Variants in DNAH12 observed in about 807,000 individuals in gnomAD.
DNAH12 encodes the protein axonemal beta dynein heavy chain 12.
Under a neutral mutation model 371.5 loss-of-function variants are expected in DNAH12, and 285 were observed. The ratio of observed to expected loss-of-function variants is 0.77; its 90% CI spans 0.70 to 0.85. The LOEUF is 0.85. Ranked by LOEUF, DNAH12 falls within the 40% of genes least tolerant of loss-of-function variation. DNAH12 has a pLI of 0.00. For synonymous variants in DNAH12, 1,200 were observed against 1,213.0 expected (o/e 0.99, Z 0.22); for missense variants, 3,611 against 3,689.4 (o/e 0.98, Z 0.55).
At chr3:57,425,783 G>GT (rs2064747903) in intron 34 of DNAH12, among the ~76,000 whole-genome samples, 1 of 98,178 alleles carries the variant, frequency 1.0e-5, no homozygotes, top group African/African-American at 5.9e-5. Flanking sequence ...GTCTCTAAGA[G>GT]CCATTCATTT....
At position 57,468,970 on chromosome 3, in the gene DNAH12, A is replaced by C. The variant is rs1255534081; in HGVS notation, c.2115T>G (p.Asp705Glu). Reference sequence around the variant, plus strand: ...CCCCATTGAGGTCCAAAAACCCTCCATCCATCCACCTGAATGGAAAGAAAA... The same window carrying C: ...CCCCATTGAGGTCCAAAAACCCTCCCTCCATCCACCTGAATGGAAAGAAAA... Reference protein sequence around the residue: ...KWQRSEKRWMDGGFLDLNGES... With the variant: ...KWQRSEKRWMEGGFLDLNGES... The change falls in exon 17 of 74, where the codon GAT (aspartate) becomes GAG (glutamate). Residue 705 changes from aspartate (D) to glutamate (E), a missense_variant. By Grantham distance (45) the Asp-to-Glu change is conservative. Around this residue, in one of 3 missense-constraint regions of DNAH12, gnomAD observed 1,314 missense variants for 1,398.7 expected, o/e 0.94. Coordinates refer to ENST00000495027, the MANE Select transcript of DNAH12 (RefSeq NM_001366028.2). The C allele has an allele frequency of 2.0e-6, 3 of 1,509,944 alleles. No homozygotes were observed. Among genetic ancestry groups the C allele is most frequent in the Non-Finnish European group, 2.6e-6 (3 of 1,135,054 alleles). 93.5% of individuals were successfully genotyped at this position (1,509,944 alleles called of 1,614,324 possible).
intron 49 of DNAH12, among the ~76,000 whole-genome samples, chr3:57,384,588 G>A (rs1224755644): frequency 6.6e-6 from 1 of 152,138 alleles, no homozygotes; most frequent in Non-Finnish European, 1.5e-5. Context: ...AGGCTGCAGT[G>A]GGCCATGATT....
At chr3:57,545,641 C>G (rs563385650), upstream of DNAH12, among the ~76,000 whole-genome samples, 4 of 151,912 alleles carry the variant, frequency 2.6e-5, no homozygotes, top group Non-Finnish European at 4.4e-5. Context: ...GGGAAGGGTC[C>G]CCAGAGAACC....
chr3:57,296,292 T>C, intron 72 of DNAH12, 52 bp downstream of exon 72: 3 of 1,367,962 alleles, frequency 2.2e-6, no homozygotes, highest in Middle Eastern at 1.8e-4. Flanking sequence ...TTGCTTATCT[T>C]ATCTATGATT....
chr3:57,416,962 A>AC (rs1575572575), intron 37 of DNAH12, among the ~76,000 whole-genome samples: 1 of 152,322 alleles, frequency 6.6e-6, no homozygotes. Context: ...ACATAAAGAC[A>AC]AACACAGGCC....
Position 57,293,919 on chromosome 3 carries a change from C to A in DNAH12, c.11745G>T (p.Lys3915Asn). The change falls in exon 74 of 74, where the codon AAG (lysine) becomes AAT (asparagine). Residue 3915 changes from lysine to asparagine, a missense_variant. Physicochemically the swap from Lys to Asn is moderately conservative, Grantham distance 94. This residue lies in a region of DNAH12 where 2,266 missense variants were observed against 2,236.9 expected (regional missense o/e 1.01). Transcript: ENST00000495027. Reference protein sequence around the residue: ...KSDAYVCPLYKTSERKGTLST... With the variant: ...KSDAYVCPLYNTSERKGTLST... ...AAAGAGTTCCTTTACGTTCACTTGTCTTGTAGAGGGGACAGACATAGGCAT... is the reference window on the plus strand; with the variant it reads ...AAAGAGTTCCTTTACGTTCACTTGTATTGTAGAGGGGACAGACATAGGCAT... 6.6e-7 allele frequency: 1 copy of A among 1,525,672 alleles called. No homozygotes were observed. Among genetic ancestry groups the A allele is most frequent in the Non-Finnish European group, 8.8e-7 (1 of 1,134,756 alleles). 94.5% of individuals were successfully genotyped at this position (1,525,672 alleles called of 1,614,324 possible). A position where few individuals can be genotyped will look rare whatever the true frequency, so the allele number is the denominator to read the frequency against.
Position 57,446,107 on chromosome 3 carries a change from A to G in DNAH12, c.4103T>C (p.Leu1368Pro), listed in dbSNP as rs1255446720. The G allele has an allele frequency of 6.4e-7, 1 of 1,551,584 alleles. No individual in the cohort carries two copies. Among genetic ancestry groups the G allele is most frequent in the Admixed American group, 2.0e-5 (1 of 50,990 alleles). ...VFVFEGTELK[L>P]NPNCFVAITM... is the part of the protein sequence containing the mutation. ...AATAGCTACAAAACAATTCGGATTGAGCTTAAGTTCTGTCCCTTCAAAAAC... is the reference window on the plus strand; with the variant it reads ...AATAGCTACAAAACAATTCGGATTGGGCTTAAGTTCTGTCCCTTCAAAAAC... Residue 1368 changes from leucine (L) to proline (P), a missense_variant, in exon 27 of 74, where the codon CTC (leucine) becomes CCC (proline). Leu to Pro is a moderately conservative substitution (Grantham distance 98). Transcript: ENST00000495027.
chr3:57,345,690 C>G (rs1464782868), intron 60 of DNAH12, among the ~76,000 whole-genome samples: 3 of 152,064 alleles, frequency 2.0e-5, no homozygotes. Context: ...GATGCTGCAT[C>G]TTTATATTTG....
chr3:57,407,937 G>T (rs555922376), intron 40 of DNAH12, among the ~76,000 whole-genome samples: 2 of 152,224 alleles, frequency 1.3e-5, no homozygotes, highest in African/African-American at 4.8e-5. Context: ...ACCAGAGTAG[G>T]AACCTAATAG....
chr3:57,371,941 C>CAA (rs1169602185), intron 55 of DNAH12, among the ~76,000 whole-genome samples: 33 of 25,860 alleles, frequency 1.3e-3, no homozygotes, highest in African/African-American at 5.3e-3. Context: ...CTAAACTCAG[C>CAA]AAAAAAAAAA....
chr3:57,429,127 C>T (rs1423867438), intron 33 of DNAH12, among the ~76,000 whole-genome samples: 2 of 152,138 alleles, frequency 1.3e-5, no homozygotes, highest in East Asian at 1.9e-4. Context: ...CAGTTACCTT[C>T]CATGGTGCTC....
rs1575554760 is a variant in DNAH12 at position 57,405,640 on chromosome 3, T to C, written c.6576+13A>G. The C allele has an allele frequency of 6.5e-7, 1 of 1,547,072 alleles. No individual in the cohort carries two copies. Among genetic ancestry groups the C allele is most frequent in the Non-Finnish European group, 8.7e-7 (1 of 1,144,262 alleles). ...CTGCTTTAACTCAATATGTTCTTAA[T>C]CGCCATACTCACTGGTGCATTTTGT... On this transcript the variant is annotated intron_variant, in intron 41 of 73. Coordinates refer to ENST00000495027, the MANE Select transcript of DNAH12 (RefSeq NM_001366028.2).
Position 57,352,085 on chromosome 3 carries a change from A to C in DNAH12, c.9674T>G (p.Leu3225Arg), listed in dbSNP as rs1553660527. The change falls in exon 60 of 74, where the codon CTG (leucine) becomes CGG (arginine). Residue 3225 changes from leucine (L) to arginine (R), a missense_variant and splice_region_variant. Around this residue, in one of 3 missense-constraint regions of DNAH12, gnomAD observed 2,266 missense variants for 2,236.9 expected, o/e 1.01. Coordinates refer to ENST00000495027, the MANE Select transcript of DNAH12 (RefSeq NM_001366028.2). The part of the protein sequence containing the change: ...FSFLLCANLL[L>R]ARKEIEYQEL... ...ATTATGGTAAAAGCAAGTAACTTAC[A>C]GAAGAAGATTGGCACATAATAAAAA... 6.6e-7 allele frequency: 1 copy of C among 1,504,630 alleles called. No homozygotes were observed. Among genetic ancestry groups the C allele is most frequent in the Non-Finnish European group, 8.8e-7 (1 of 1,134,074 alleles). The allele number at this position is 1,504,630 out of a possible 1,614,324, so 93.2% of individuals were successfully genotyped here. A position where few individuals can be genotyped will look rare whatever the true frequency, so the allele number is the denominator to read the frequency against.
chr3:57,328,521 TAA>T (rs956955559), intron 62 of DNAH12, among the ~76,000 whole-genome samples: 12 of 142,212 alleles, frequency 8.4e-5, no homozygotes, highest in Admixed American at 1.4e-4. Flanking sequence ...CCCTTCATGC[TAA>T]AAACTCTCAA....
At chr3:57,344,873 T>G (rs1453426832) in intron 60 of DNAH12, among the ~76,000 whole-genome samples, 1 of 151,998 alleles carries the variant, frequency 6.6e-6, no homozygotes, top group East Asian at 1.9e-4. Context: ...GTAGGATGAG[T>G]GTAGTTAACA....
At chr3:57,528,577 T>C (rs1307963526) in intron 2 of DNAH12, among the ~76,000 whole-genome samples, 1 of 143,194 alleles carries the variant, frequency 7.0e-6, no homozygotes, top group African/African-American at 2.6e-5. Context: ...AATACAGAAT[T>C]AGCCAGGTGT....
intron 9 of DNAH12, 111 bp from the exon 10 acceptor site, chr3:57,502,590 C>A (rs2067592523): frequency 1.7e-6 from 2 of 1,186,470 alleles, no homozygotes; most frequent in African/African-American, 1.5e-5. Flanking sequence ...TGCTCTATCA[C>A]CCAGGTTGGA....
intron 39 of DNAH12, among the ~76,000 whole-genome samples, chr3:57,409,106 T>C (rs1202127368): frequency 1.3e-5 from 2 of 152,202 alleles, no homozygotes; most frequent in Non-Finnish European, 2.9e-5. Flanking sequence ...CATTTTGTTA[T>C]AGAAAGGGAC....
intron 11 of DNAH12, among the ~76,000 whole-genome samples, chr3:57,491,312 A>T (rs564798195): frequency 4.1e-4 from 62 of 152,220 alleles, no homozygotes; most frequent in African/African-American, 1.4e-3. Flanking sequence ...TCAGGGTAAT[A>T]GTTACCAATA....
Sources: allele counts gnomAD v4.1 joint callset (sites outside exome capture counted in the v4.1 genomes callset), GRCh38; gene constraint gnomAD v4.1.1; regional missense constraint gnomAD v4.1.1; transcripts MANE v1.5; gene names NCBI Gene and HGNC (gene_info 2026-07-23, HGNC 2026-07-21).